RNLS: variants seen among roughly 807,000 people sequenced by gnomAD.
The protein encoded by RNLS is renalase, FAD dependent amine oxidase.
RNLS carries 39 observed loss-of-function variants against 39.8 expected under a neutral mutation model. That is an observed-to-expected ratio of 0.98 (90% CI 0.76 to 1.28). The LOEUF (loss-of-function observed/expected upper bound fraction) is 1.28, where lower values mean the gene tolerates loss of function less well. Ranked by LOEUF, RNLS falls within the 50% of genes most tolerant of loss-of-function variation. RNLS has a pLI of 0.00. For synonymous variants in RNLS, 147 were observed against 150.7 expected (o/e 0.98, Z 0.18); for missense variants, 410 against 413.3 (o/e 0.99, Z 0.07).
the RNLS span, among the ~76,000 whole-genome samples, chr10:88,186,032 G>A: frequency 1.7e-4 from 26 of 152,090 alleles, no homozygotes; most frequent in African/African-American, 5.6e-4. Context: ...AAGCAAGTTC[G>A]GAGATTATGA....
At position 88,328,743 on chromosome 10, in the gene RNLS, G is replaced by GTTCAGGATTATTTTATTT. The variant is rs1356904466; in HGVS notation, c.701-14120_701-14103dup. Among the ~76,000 whole-genome samples the GTTCAGGATTATTTTATTT allele has an allele frequency of 6.1e-4, 92 of 152,022 alleles. 2 individuals carry two copies. Among genetic ancestry groups the GTTCAGGATTATTTTATTT allele is most frequent in the African/African-American group, 2.0e-3 (84 of 41,484 alleles). On this transcript the variant is annotated intron_variant, in intron 5 of 6. Coordinates refer to ENST00000331772, the MANE Select transcript of RNLS (RefSeq NM_001031709.3). ...AACTCTAAGTTTATATGCTTTTATT[G>GTTCAGGATTATTTTATTT]TTCAGGATTATTTTATTTCTTTGGT...
intron 4 of RNLS, among the ~76,000 whole-genome samples, chr10:88,404,777 C>G (rs978599163): frequency 6.6e-6 from 1 of 151,986 alleles, no homozygotes; most frequent in Non-Finnish European, 1.5e-5. Flanking sequence ...CAAATTCTAC[C>G]TCGTTTATTC....
chr10:88,576,156 T>C (rs1372638891), intron 3 of RNLS, among the ~76,000 whole-genome samples: 1 of 152,222 alleles, frequency 6.6e-6, no homozygotes, highest in Non-Finnish European at 1.5e-5. Context: ...TCTCTCATAA[T>C]GCTCTCACTC....
At chr10:88,318,708 C>T (rs1423278839) in intron 5 of RNLS, among the ~76,000 whole-genome samples, 1 of 152,192 alleles carries the variant, frequency 6.6e-6, no homozygotes, top group Non-Finnish European at 1.5e-5. Context: ...AATGGTATAT[C>T]AGTAGCCCAT....
In RNLS at chr10:88,583,308, A is replaced by C; in HGVS notation, c.-118T>G. 6.8e-7 allele frequency: 1 copy of C among 1,470,558 alleles called. No homozygotes were observed. The highest frequency in any genetic ancestry group is 2.4e-5 in the Admixed American group (1 of 42,008). 91.1% of individuals were successfully genotyped at this position (1,470,558 alleles called of 1,614,324 possible). On this transcript the variant is annotated 5_prime_UTR_variant, in exon 1 of 7. Coordinates refer to ENST00000331772, the MANE Select transcript of RNLS (RefSeq NM_001031709.3). Reference sequence around the variant, plus strand: ...CTTTGGTTCCGTGCTCCCTGGGCCGACCTGGGCCCTGAGCTTTCCTCCGGC... The same window carrying C: ...CTTTGGTTCCGTGCTCCCTGGGCCGCCCTGGGCCCTGAGCTTTCCTCCGGC...
rs146646870 is a variant in RNLS, at chr10:88,573,002, C to T, written c.427G>A (p.Glu143Lys). The stretch of plus-strand genomic sequence containing the variant: ...GGGGAGCCTGTTTGTTTGGATACTT[C>T]CCATTTGTCATCTCTTAGGTTGATC... ...TQINLRDDKW[E>K]VSKQTGSPEQ... The change falls in exon 4 of 7, where the codon GAA (glutamate) becomes AAA (lysine). Residue 143 changes from glutamate to lysine, a missense_variant. By Grantham distance (56) the Glu-to-Lys change is moderately conservative (BLOSUM62 1). Transcript: ENST00000331772. The T allele has an allele frequency of 3.7e-6, 6 of 1,613,934 alleles. 1 individual carries two copies. In the African/African-American group the frequency reaches 6.7e-5, roughly 18 times the overall value.
chr10:88,488,994 C>A (rs1166503980), intron 4 of RNLS, among the ~76,000 whole-genome samples: 1 of 152,154 alleles, frequency 6.6e-6, no homozygotes, highest in Non-Finnish European at 1.5e-5. Flanking sequence ...AAGAGAGGAT[C>A]ATTATCTGTA....
chr10:88,209,829 T>C, the RNLS span, among the ~76,000 whole-genome samples: 1 of 152,226 alleles, frequency 6.6e-6, no homozygotes, highest in African/African-American at 2.4e-5. Flanking sequence ...GCAATTTTTA[T>C]GCATTATCTC....
chr10:88,451,241 T>C (rs868252151), intron 4 of RNLS, among the ~76,000 whole-genome samples: 3 of 152,322 alleles, frequency 2.0e-5, no homozygotes, highest in Non-Finnish European at 4.4e-5. Flanking sequence ...ACTTTCCCTC[T>C]GCCTTCTGGT....
At chr10:88,534,942 C>G (rs1223809051) in intron 4 of RNLS, among the ~76,000 whole-genome samples, 1 of 151,976 alleles carries the variant, frequency 6.6e-6, no homozygotes, top group Non-Finnish European at 1.5e-5. Flanking sequence ...AATCCTAAAC[C>G]TTGGAGACAG....
intron 6 of RNLS, chr10:88,309,596 C>T (rs12572813): frequency 0.14 from 74,101 of 513,654 alleles, 6,006 homozygotes; most frequent in East Asian, 0.33. Context: ...CCTGAAGGAG[C>T]CAAATGGAAA....
chr10:88,203,393 TGTGTATATATATATATATAC>T, the RNLS span, among the ~76,000 whole-genome samples: 1 of 10,558 alleles, frequency 9.5e-5, no homozygotes, highest in African/African-American at 5.4e-4. Flanking sequence ...TATACACGTA[TGTGTATATATATATATATAC>T]ACGTATGTGT....
At chr10:88,246,799 C>A in the RNLS span, among the ~76,000 whole-genome samples, 9 of 152,116 alleles carry the variant, frequency 5.9e-5, no homozygotes, top group Non-Finnish European at 1.3e-4. Context: ...TAACACCCAG[C>A]GTTCCCTCTG....
intron 5 of RNLS, among the ~76,000 whole-genome samples, chr10:88,336,231 T>A (rs1237930908): frequency 6.6e-6 from 1 of 152,230 alleles, no homozygotes; most frequent in Non-Finnish European, 1.5e-5. Context: ...CCTATTAGCT[T>A]CTTTTCTTCT....
At chr10:88,204,278 T>C in the RNLS span, among the ~76,000 whole-genome samples, 1 of 152,164 alleles carries the variant, frequency 6.6e-6, no homozygotes, top group East Asian at 1.9e-4. Flanking sequence ...GTGCCTTGAA[T>C]GTACAGATAA....
the RNLS span, among the ~76,000 whole-genome samples, chr10:88,192,047 G>A: frequency 6.6e-6 from 1 of 151,828 alleles, no homozygotes; most frequent in African/African-American, 2.4e-5. Context: ...ACACCCATGG[G>A]GTACCTAGGA....
At chr10:88,546,035 G>A (rs1848289813) in intron 4 of RNLS, among the ~76,000 whole-genome samples, 1 of 152,008 alleles carries the variant, frequency 6.6e-6, no homozygotes, top group Admixed American at 6.6e-5. Flanking sequence ...AAACTGGTAG[G>A]GGGGAGGGAT....
At chr10:88,467,792 C>A (rs1191381562) in intron 4 of RNLS, among the ~76,000 whole-genome samples, 3 of 152,130 alleles carry the variant, frequency 2.0e-5, no homozygotes, top group Non-Finnish European at 4.4e-5. Context: ...TGCTCTCGCC[C>A]TTTCTTTAAA....
At chr10:88,377,263 C>G (rs1011853275) in intron 4 of RNLS, among the ~76,000 whole-genome samples, 2 of 151,798 alleles carry the variant, frequency 1.3e-5, no homozygotes, top group African/African-American at 4.8e-5. Flanking sequence ...CACACACGCA[C>G]ACATCCTTAT....
Sources: allele counts gnomAD v4.1 joint callset (sites outside exome capture counted in the v4.1 genomes callset), GRCh38; gene constraint gnomAD v4.1.1; transcripts MANE v1.5; gene names NCBI Gene and HGNC (gene_info 2026-07-23, HGNC 2026-07-21).